The following SBF2 variants were observed in gnomAD, a reference collection of about 807,000 sequenced individuals.
SBF2 encodes SET binding factor 2, also known as myotubularin-related protein 13.
SBF2 carries 112 observed loss-of-function variants against 225.2 expected under a neutral mutation model. That is an observed-to-expected ratio of 0.50 (90% CI 0.43 to 0.58). The LOEUF (loss-of-function observed/expected upper bound fraction) is 0.58. Among genes scored for constraint, SBF2 ranks in the 20% least tolerant of loss-of-function variants. The probability of loss-of-function intolerance (pLI) is 0.00; values close to 1 mark genes in which losing one functional copy is unlikely to be tolerated. For synonymous variants in SBF2, 763 were observed against 773.3 expected (o/e 0.99, Z 0.22); for missense variants, 1,996 against 2,206.2 (o/e 0.90, Z 1.91).
chr11:9,785,078 T>A, intron 37 of SBF2, 47 bp downstream of exon 37: 1 of 1,553,980 alleles, frequency 6.4e-7, no homozygotes, highest in East Asian at 2.2e-5. Context: ...TAGCCTCAGG[T>A]GCTGTGGGGA....
At position 9,942,980 on chromosome 11, in the gene SBF2, G is replaced by GAAGAAAGA. The variant is rs61495070; in HGVS notation, c.1860+18969_1860+18976dup. Among the ~76,000 whole-genome samples the GAAGAAAGA allele has an allele frequency of 1.3e-3, 198 of 147,670 alleles. 2 individuals are homozygous for GAAGAAAGA. The highest frequency in any genetic ancestry group is 7.0e-3 in the East Asian group (35 of 5,000). On this transcript the variant is annotated intron_variant, in intron 16 of 39. Transcript: ENST00000256190. ...GAAGGAAAGAAGGAAAAAGAAAGAG[G>GAAGAAAGA]AAGAAAGAAAGAAAGAAAGAAAGAA... is the stretch of plus-strand genomic sequence containing the variant.
chr11:10,168,551 G>C (rs1956065295), intron 2 of SBF2, among the ~76,000 whole-genome samples: 1 of 152,154 alleles, frequency 6.6e-6, no homozygotes, highest in African/African-American at 2.4e-5. Context: ...TGAAATTACA[G>C]ATAATACCCA....
chr11:10,075,140 G>A (rs985564019), intron 2 of SBF2, among the ~76,000 whole-genome samples: 4 of 152,210 alleles, frequency 2.6e-5, no homozygotes, highest in Admixed American at 6.5e-5. Flanking sequence ...CTCATGGCCT[G>A]TGCCACCAGA....
chr11:9,820,018 G>A (rs747777922), intron 28 of SBF2, among the ~76,000 whole-genome samples: 5 of 152,102 alleles, frequency 3.3e-5, no homozygotes, highest in Non-Finnish European at 7.4e-5. Context: ...CAAAATGACA[G>A]GCAGTATTAG....
chr11:10,069,749 T>A (rs192139684), intron 2 of SBF2, among the ~76,000 whole-genome samples: 1 of 152,224 alleles, frequency 6.6e-6, no homozygotes, highest in Admixed American at 6.5e-5. Flanking sequence ...TCTTCCACAA[T>A]GGCTGAACTA....
At chr11:10,160,308 T>C (rs1303876846) in intron 2 of SBF2, among the ~76,000 whole-genome samples, 1 of 152,198 alleles carries the variant, frequency 6.6e-6, no homozygotes, top group African/African-American at 2.4e-5. Flanking sequence ...TTCCCCAAAC[T>C]ATACCTTTTT....
At chr11:9,783,548 T>C (rs796913639) in intron 38 of SBF2, among the ~76,000 whole-genome samples, 7 of 152,328 alleles carry the variant, frequency 4.6e-5, no homozygotes, top group African/African-American at 1.7e-4. Context: ...CAGGAGACCA[T>C]GCAGCTCTCA....
At chr11:10,092,135 A>C (rs1461634585) in intron 2 of SBF2, among the ~76,000 whole-genome samples, 1 of 152,214 alleles carries the variant, frequency 6.6e-6, no homozygotes, top group Non-Finnish European at 1.5e-5. Context: ...TAACTCTTCC[A>C]ATCACTTATA....
At chr11:9,810,937 A>C (rs1240407397) in intron 30 of SBF2, 1 of 152,266 alleles carries the variant, frequency 6.6e-6, no homozygotes, top group Non-Finnish European at 1.5e-5. Flanking sequence ...TACTATTCAC[A>C]ATAGCAAAGA....
At chr11:10,249,573 T>G (rs1380153815) in intron 1 of SBF2, among the ~76,000 whole-genome samples, 1 of 152,148 alleles carries the variant, frequency 6.6e-6, no homozygotes, top group Non-Finnish European at 1.5e-5. Context: ...GCTAAATGAA[T>G]GACTTACAGT....
At chr11:9,783,043 T>C (rs1228677559) in intron 38 of SBF2, 1 of 152,048 alleles carries the variant, frequency 6.6e-6, no homozygotes, top group African/African-American at 2.4e-5. Context: ...CTCTCAGGCA[T>C]GGTATGAGCA....
At chr11:10,240,136 G>C (rs1486394617) in intron 1 of SBF2, among the ~76,000 whole-genome samples, 1 of 151,808 alleles carries the variant, frequency 6.6e-6, no homozygotes, top group Non-Finnish European at 1.5e-5. Context: ...CCAAAAGTAA[G>C]CTAACTATAC....
intron 1 of SBF2, among the ~76,000 whole-genome samples, chr11:10,235,527 C>CAAAAA (rs797015174): frequency 2.5e-5 from 2 of 80,572 alleles, no homozygotes; most frequent in Non-Finnish European, 5.2e-5. Context: ...GACTCCATCT[C>CAAAAA]AAAAAAAAAA....
chr11:9,964,263 C>T (rs1265068670), intron 14 of SBF2, among the ~76,000 whole-genome samples: 1 of 152,016 alleles, frequency 6.6e-6, no homozygotes, highest in Non-Finnish European at 1.5e-5. Context: ...AGAAAACAAA[C>T]AAAAACTGTT....
rs1304658573 is a variant in SBF2, at chr11:9,888,223, C to T, written c.1929+7720G>A. On this transcript the variant is annotated intron_variant, in intron 17 of 39. Coordinates refer to ENST00000256190, the MANE Select transcript of SBF2 (RefSeq NM_030962.4). ...TTAGAAATACGTGAAAATGGCCAGGCATGGTGGTTCATACCTATAACTCCA... is the reference window on the plus strand; with the variant it reads ...TTAGAAATACGTGAAAATGGCCAGGTATGGTGGTTCATACCTATAACTCCA... Among the ~76,000 whole-genome samples the T allele has an allele frequency of 2.0e-5, 3 of 152,138 alleles. No individual in the cohort carries two copies. In the East Asian group the frequency reaches 5.8e-4, roughly 29 times the overall value.
chr11:10,054,845 CACA>C (rs966540807), intron 2 of SBF2, among the ~76,000 whole-genome samples: 19 of 151,836 alleles, frequency 1.3e-4, no homozygotes, highest in African/African-American at 4.4e-4. Context: ...AAACTAAAAC[CACA>C]ACGAGATACC....
intron 12 of SBF2, among the ~76,000 whole-genome samples, 168 bp downstream of exon 12, chr11:9,992,247 T>C (rs1947471236): frequency 6.6e-6 from 1 of 152,198 alleles, no homozygotes; most frequent in African/African-American, 2.4e-5. Context: ...GTAATTTTTA[T>C]AATCCACATT....
intron 2 of SBF2, among the ~76,000 whole-genome samples, chr11:10,094,861 C>T (rs1017531137): frequency 6.0e-5 from 9 of 150,904 alleles, no homozygotes; most frequent in Non-Finnish European, 1.0e-4. Flanking sequence ...GTGGTGGTAA[C>T]GGGGAGTGGG....
chr11:9,817,076 C>T, intron 28 of SBF2, 52 bp from the exon 29 acceptor site: 1 of 1,595,508 alleles, frequency 6.3e-7, no homozygotes, highest in Non-Finnish European at 8.6e-7. Context: ...GGGAATGCCA[C>T]TAACTAAGGA....
Sources: allele counts gnomAD v4.1 joint callset (sites outside exome capture counted in the v4.1 genomes callset), GRCh38; gene constraint gnomAD v4.1.1; transcripts MANE v1.5; gene names NCBI Gene and HGNC (gene_info 2026-07-23, HGNC 2026-07-21).